MLLT3: variants seen among roughly 807,000 people sequenced by gnomAD.
MLLT3 encodes the protein MLLT3 super elongation complex subunit, also known as protein AF-9.
In MLLT3, 4 loss-of-function variants were observed where a neutral mutation model predicts 53.2. The ratio of observed to expected loss-of-function variants is 0.08; its 90% confidence interval spans 0.04 to 0.17. The LOEUF (loss-of-function observed/expected upper bound fraction) is 0.17, where lower values mean the gene tolerates loss of function less well. Among genes scored for constraint, MLLT3 ranks in the 10% least tolerant of loss-of-function variants. The pLI is 1.00. For missense variants in MLLT3, 569 were observed against 684.0 expected, an observed-to-expected ratio of 0.83 and a Z score of 1.87; for synonymous variants, 283 against 230.6, an observed-to-expected ratio of 1.23 and a Z score of -2.06.
chr9:20,403,678 C>T (rs1013738471), intron 5 of MLLT3, among the ~76,000 whole-genome samples: 1 of 152,150 alleles, frequency 6.6e-6, no homozygotes, highest in Non-Finnish European at 1.5e-5. Context: ...ACAAGATCAA[C>T]AAGTCTGAGG....
intron 2 of MLLT3, among the ~76,000 whole-genome samples, chr9:20,580,166 C>G (rs1819755503): frequency 6.6e-6 from 1 of 152,180 alleles, no homozygotes; most frequent in East Asian, 1.9e-4. Flanking sequence ...TGCTAATGGT[C>G]ATAAATGCAA....
intron 8 of MLLT3, among the ~76,000 whole-genome samples, chr9:20,359,372 G>C (rs898873283): frequency 6.6e-6 from 1 of 152,136 alleles, no homozygotes; most frequent in African/African-American, 2.4e-5. Context: ...GTAAAAGACG[G>C]CTGGGCCATG....
intron 2 of MLLT3, among the ~76,000 whole-genome samples, chr9:20,586,324 A>G (rs927996759): frequency 1.3e-5 from 2 of 149,450 alleles, no homozygotes; most frequent in Non-Finnish European, 3.0e-5. Context: ...CATCTCAGAG[A>G]AAAAAAAAAG....
chr9:20,503,217 G>A lies in MLLT3; in HGVS notation c.194-46431C>T, dbSNP rs117304610. On this transcript the variant is annotated intron_variant, in intron 2 of 10. Transcript: ENST00000380338. ...AATCCTAAAATTTGTATGGAACCAC[G>A]AAAGACCCCAAATATCTGAAGTAAT... Among the ~76,000 whole-genome samples the A allele has an allele frequency of 2.1e-3, 321 of 152,120 alleles. 3 individuals are homozygous for A. The highest frequency in any genetic ancestry group is 1.5e-3 in the Non-Finnish European group (105 of 67,960).
intron 2 of MLLT3, among the ~76,000 whole-genome samples, chr9:20,615,903 T>A (rs903688145): frequency 5.4e-5 from 8 of 148,872 alleles, no homozygotes; most frequent in Non-Finnish European, 1.0e-4. Flanking sequence ...AAAAGAAAAG[T>A]AAACAATGCC....
chr9:20,467,555 C>T (rs569689206), intron 2 of MLLT3, among the ~76,000 whole-genome samples: 1 of 152,020 alleles, frequency 6.6e-6, no homozygotes, highest in African/African-American at 2.4e-5. Flanking sequence ...TCCAGCCTGG[C>T]GACAGAGTGG....
At position 20,345,053 on chromosome 9, in the gene MLLT3, A is replaced by T. The variant is rs865890832; in HGVS notation, c.*1390T>A. ...GGAGAAGATGGAATAATGACACCAA[A>T]AGTACTTTGGTTTTTTTCTTTTAAA... On this transcript the variant is annotated 3_prime_UTR_variant, in exon 11 of 11. Transcript: ENST00000380338. 7 of 216,570 alleles carry T rather than the reference A, an allele frequency of 3.2e-5. No individual in the cohort carries two copies. The highest frequency in any genetic ancestry group is 1.1e-4 in the African/African-American group (5 of 44,476). 13.4% of individuals were successfully genotyped at this position (216,570 alleles called of 1,614,324 possible). A position where few individuals can be genotyped will look rare whatever the true frequency, so the allele number is the denominator to read the frequency against.
chr9:20,530,672 T>C (rs1818309232), intron 2 of MLLT3, among the ~76,000 whole-genome samples: 2 of 152,328 alleles, frequency 1.3e-5, no homozygotes, highest in South Asian at 4.1e-4. Context: ...CCTGTATAAA[T>C]TGCTTGCACA....
At chr9:20,520,968 G>C (rs1319107622) in intron 2 of MLLT3, among the ~76,000 whole-genome samples, 1 of 152,164 alleles carries the variant, frequency 6.6e-6, no homozygotes, top group Non-Finnish European at 1.5e-5. Context: ...TAAGACAAAA[G>C]AGTTGTAGAC....
chr9:20,440,712 CAACA>C (rs1343033351), intron 4 of MLLT3, among the ~76,000 whole-genome samples: 5 of 152,100 alleles, frequency 3.3e-5, no homozygotes, highest in Non-Finnish European at 7.4e-5. Flanking sequence ...GAAACAGAAT[CAACA>C]GTTTTCAACT....
chr9:20,518,321 G>C (rs1268186185), intron 2 of MLLT3, among the ~76,000 whole-genome samples: 1 of 152,102 alleles, frequency 6.6e-6, no homozygotes, highest in African/African-American at 2.4e-5. Flanking sequence ...ACTCCAACCT[G>C]GGCAAGAGAG....
chr9:20,387,131 G>C (rs1822059448), intron 5 of MLLT3, among the ~76,000 whole-genome samples: 1 of 152,224 alleles, frequency 6.6e-6, no homozygotes, highest in South Asian at 2.1e-4. Context: ...AGACTGAATA[G>C]TAAATGTTTT....
intron 2 of MLLT3, among the ~76,000 whole-genome samples, chr9:20,470,536 C>G (rs1014868036): frequency 6.6e-6 from 1 of 151,852 alleles, no homozygotes; most frequent in African/African-American, 2.4e-5. Context: ...AATGCCATGC[C>G]CAGGAGTAAA....
chr9:20,568,789 A>G (rs1270180851), intron 2 of MLLT3, among the ~76,000 whole-genome samples: 1 of 152,214 alleles, frequency 6.6e-6, no homozygotes, highest in Non-Finnish European at 1.5e-5. Flanking sequence ...GTTATGTACA[A>G]AAAACTTGTC....
At chr9:20,485,976 G>A (rs991079787) in intron 2 of MLLT3, among the ~76,000 whole-genome samples, 1 of 152,108 alleles carries the variant, frequency 6.6e-6, no homozygotes, top group Non-Finnish European at 1.5e-5. Flanking sequence ...CTTGAATAAT[G>A]TCTAAATAGT....
Position 20,413,967 on chromosome 9 carries a change from G to C in MLLT3, c.879C>G (p.Leu293=). Residue 293 remains leucine, a synonymous_variant, in exon 5 of 11, where the codon CTC becomes CTG. Coordinates refer to ENST00000380338, the MANE Select transcript of MLLT3 (RefSeq NM_004529.4). ...TACTCTTTTTCCTTTTTTTGGCTGA[G>C]AGTTCTTCAGAATCTGAAATGGGCG... ...KRPPISDSEE[L]SAKKRKKSSS... 1.9e-6 allele frequency: 3 copies of C among 1,613,600 alleles called. No homozygotes were observed. The highest frequency in any genetic ancestry group is 2.5e-6 in the Non-Finnish European group (3 of 1,179,882).
At chr9:20,462,454 C>A (rs941407702) in intron 2 of MLLT3, among the ~76,000 whole-genome samples, 1 of 152,124 alleles carries the variant, frequency 6.6e-6, no homozygotes, top group Non-Finnish European at 1.5e-5. Flanking sequence ...CAATAAGGAA[C>A]TGTAGCCACC....
chr9:20,552,592 C>T (rs1818951723), intron 2 of MLLT3, among the ~76,000 whole-genome samples: 1 of 151,958 alleles, frequency 6.6e-6, no homozygotes, highest in South Asian at 2.1e-4. Flanking sequence ...CCTATGAGCC[C>T]AGTGATAGGT....
At chr9:20,512,847 T>G (rs1817789232) in intron 2 of MLLT3, among the ~76,000 whole-genome samples, 1 of 152,258 alleles carries the variant, frequency 6.6e-6, no homozygotes, top group Non-Finnish European at 1.5e-5. Context: ...TTGCAGAGCC[T>G]GTCTTTTGGT....
Sources: allele counts gnomAD v4.1 joint callset (sites outside exome capture counted in the v4.1 genomes callset), GRCh38; gene constraint gnomAD v4.1.1; transcripts MANE v1.5; gene names NCBI Gene and HGNC (gene_info 2026-07-23, HGNC 2026-07-21).